Variants in WWOX observed in about 807,000 individuals in gnomAD.
WWOX encodes WW domain-containing oxidoreductase.
Under a neutral mutation model 46.2 loss-of-function variants are expected in WWOX, and 69 were observed. The ratio of observed to expected loss-of-function variants is 1.49; its 90% confidence interval spans 1.23 to 1.82. The LOEUF is 1.82. Among genes scored for constraint, WWOX ranks in the 40% most tolerant of loss-of-function variants. The pLI is 0.00. For synonymous variants in WWOX, 359 were observed against 202.6 expected, an observed-to-expected ratio of 1.77 and a Z score of -6.56; for missense variants, 919 against 542.6, an observed-to-expected ratio of 1.69 and a Z score of -6.89.
At chr16:78,434,372 A>ACTG (rs2083291225) in intron 8 of WWOX, among the ~76,000 whole-genome samples, 1 of 152,156 alleles carries the variant, frequency 6.6e-6, no homozygotes, top group Non-Finnish European at 1.5e-5. Flanking sequence ...GCTCCCGATG[A>ACTG]CTGCATAAGC....
chr16:79,142,277 C>A (rs1028435825), intron 8 of WWOX, among the ~76,000 whole-genome samples: 2 of 152,126 alleles, frequency 1.3e-5, no homozygotes, highest in Non-Finnish European at 1.5e-5. Flanking sequence ...CGGGTGCCTC[C>A]AAGCATATAA....
At position 78,548,182 on chromosome 16, in the gene WWOX, C is replaced by G. The variant is rs1001994479; in HGVS notation, c.1056+115430C>G. On this transcript the variant is annotated intron_variant, in intron 8 of 8. Transcript: ENST00000566780. ...AAAAAAAAAAAAAAAAAAAAAATTA[C>G]GAATTTTGCGAGGACGCAAACATTT... is the stretch of plus-strand genomic sequence containing the variant. Among the ~76,000 whole-genome samples, 27 of 85,994 alleles carry G rather than the reference C, an allele frequency of 3.1e-4. 1 individual carries two copies. Among genetic ancestry groups the G allele is most frequent in the Non-Finnish European group, 6.7e-4 (26 of 38,528 alleles). 56.4% of individuals were successfully genotyped at this position (85,994 alleles called of 152,430 possible). A position where few individuals can be genotyped will look rare whatever the true frequency, so the allele number is the denominator to read the frequency against.
At chr16:78,236,162 A>G (rs2037430704) in intron 5 of WWOX, among the ~76,000 whole-genome samples, 1 of 152,204 alleles carries the variant, frequency 6.6e-6, no homozygotes, top group South Asian at 2.1e-4. Context: ...GATGTCTCAT[A>G]TCTGAATCTT....
intron 6 of WWOX, among the ~76,000 whole-genome samples, chr16:78,387,422 A>G (rs1331263365): frequency 6.6e-6 from 1 of 152,062 alleles, no homozygotes. Flanking sequence ...GGTTCCAAAA[A>G]ACATGGACTC....
At chr16:78,754,721 G>C (rs1423470060) in intron 8 of WWOX, among the ~76,000 whole-genome samples, 1 of 152,042 alleles carries the variant, frequency 6.6e-6, no homozygotes, top group South Asian at 2.1e-4. Flanking sequence ...TGGTTTTCTT[G>C]AAATAAGAAA....
At chr16:79,162,786 G>A (rs139042069) in intron 8 of WWOX, among the ~76,000 whole-genome samples, 41 of 152,322 alleles carry the variant, frequency 2.7e-4, no homozygotes, top group African/African-American at 9.6e-4. Flanking sequence ...TGCTGGGGGA[G>A]CCAGTAGAGA....
chr16:78,862,793 C>A (rs111430195), intron 8 of WWOX, among the ~76,000 whole-genome samples: 2,964 of 152,166 alleles, frequency 0.019, 90 homozygotes, highest in African/African-American at 0.067. Flanking sequence ...AAGCCACCCA[C>A]ACTGGGAAGG....
intron 8 of WWOX, among the ~76,000 whole-genome samples, chr16:79,100,776 G>A (rs986675418): frequency 3.3e-5 from 5 of 152,056 alleles, no homozygotes; most frequent in African/African-American, 9.7e-5. Flanking sequence ...GCAGAAATAG[G>A]CCTTCTTCCC....
chr16:78,667,248 C>A (rs560793053), intron 8 of WWOX, among the ~76,000 whole-genome samples: 1 of 152,320 alleles, frequency 6.6e-6, no homozygotes, highest in Admixed American at 6.5e-5. Flanking sequence ...TCGTAGCAGA[C>A]TATCTTTCTA....
intron 8 of WWOX, among the ~76,000 whole-genome samples, chr16:78,773,629 C>T (rs2050119915): frequency 2.0e-5 from 3 of 152,182 alleles, no homozygotes. Context: ...GTGCAGGTGC[C>T]TCTCATTGTT....
intron 8 of WWOX, among the ~76,000 whole-genome samples, chr16:78,626,460 T>C (rs1240920115): frequency 6.6e-6 from 1 of 152,216 alleles, no homozygotes; most frequent in Non-Finnish European, 1.5e-5. Context: ...TATGATGTTT[T>C]TCTCATGAGT....
intron 4 of WWOX, among the ~76,000 whole-genome samples, chr16:78,134,482 A>T (rs2033720823): frequency 6.6e-6 from 1 of 151,824 alleles, no homozygotes; most frequent in South Asian, 2.1e-4. Context: ...TTGGTATGAA[A>T]TTTTTCCTTT....
chr16:78,145,319 A>G (rs966811375), intron 4 of WWOX, among the ~76,000 whole-genome samples: 12 of 152,156 alleles, frequency 7.9e-5, no homozygotes, highest in Admixed American at 4.6e-4. Flanking sequence ...TGAGTCCTCA[A>G]ACCTCAAAAA....
chr16:78,135,773 T>C (rs185464032), intron 4 of WWOX, among the ~76,000 whole-genome samples: 69 of 152,240 alleles, frequency 4.5e-4, no homozygotes, highest in Admixed American at 4.1e-3. Context: ...GAAAATGACA[T>C]GTCGATCTGT....
chr16:78,291,860 G>T (rs970254680), intron 5 of WWOX, among the ~76,000 whole-genome samples: 4 of 151,606 alleles, frequency 2.6e-5, no homozygotes, highest in Non-Finnish European at 5.9e-5. Flanking sequence ...AGGTCTGATG[G>T]CCGCCAGCTG....
At chr16:78,864,890 G>A (rs1170462018) in intron 8 of WWOX, among the ~76,000 whole-genome samples, 2 of 149,104 alleles carry the variant, frequency 1.3e-5, no homozygotes, top group South Asian at 2.1e-4. Flanking sequence ...AGCCCCCCGA[G>A]TAGCTGGGAC....
At chr16:79,037,675 G>A (rs923652350) in intron 8 of WWOX, among the ~76,000 whole-genome samples, 2 of 152,292 alleles carry the variant, frequency 1.3e-5, no homozygotes, top group South Asian at 2.1e-4. Context: ...TTAGTGAAAG[G>A]TTATTAAATA....
intron 8 of WWOX, among the ~76,000 whole-genome samples, chr16:79,074,983 T>C (rs75490164): frequency 0.042 from 6,346 of 152,224 alleles, 243 homozygotes; most frequent in African/African-American, 0.099. Context: ...TCTCTCAACT[T>C]CTACACATTC....
chr16:79,111,924 G>C (rs2049424456), intron 8 of WWOX, among the ~76,000 whole-genome samples: 1 of 152,038 alleles, frequency 6.6e-6, no homozygotes, highest in Non-Finnish European at 1.5e-5. Context: ...TTGCAACTGG[G>C]TCAAGATCAG....
Sources: allele counts gnomAD v4.1 joint callset (sites outside exome capture counted in the v4.1 genomes callset), GRCh38; gene constraint gnomAD v4.1.1; transcripts MANE v1.5; gene names NCBI Gene and HGNC (gene_info 2026-07-23, HGNC 2026-07-21).